The following OXNAD1 variants were observed in gnomAD, a reference collection of about 807,000 sequenced individuals.
OXNAD1 encodes the protein oxidoreductase NAD-binding domain-containing protein 1.
A neutral mutation model predicts 32.9 loss-of-function variants in OXNAD1; 34 were observed. That is an observed-to-expected ratio of 1.03 (90% confidence interval 0.79 to 1.38). The LOEUF (loss-of-function observed/expected upper bound fraction) is 1.38, where lower values mean the gene tolerates loss of function less well. Among genes scored for constraint, OXNAD1 ranks in the 40% most tolerant of loss-of-function variants. The probability of loss-of-function intolerance (pLI) is 0.00; values close to 1 mark genes in which losing one functional copy is unlikely to be tolerated. For missense variants in OXNAD1, 407 were observed against 379.4 expected, an observed-to-expected ratio of 1.07 and a Z score of -0.60; for synonymous variants, 134 against 135.2, an observed-to-expected ratio of 0.99 and a Z score of 0.06.
intron 4 of OXNAD1, among the ~76,000 whole-genome samples, chr3:16,283,873 C>G (rs998183746): frequency 1.4e-5 from 2 of 142,768 alleles, no homozygotes; most frequent in South Asian, 2.2e-4. Flanking sequence ...ATACCAAATT[C>G]AGAGAGGTCA....
At chr3:16,307,143 A>G (rs919837869), downstream of OXNAD1, among the ~76,000 whole-genome samples, 1 of 152,238 alleles carries the variant, frequency 6.6e-6, no homozygotes, top group Non-Finnish European at 1.5e-5. Flanking sequence ...TTAGCATACT[A>G]TGAGTTGGTG....
At position 16,287,684 on chromosome 3, in the gene OXNAD1, G is replaced by C. The variant is rs1205164572; in HGVS notation, c.290+1236G>C. ...GCCAAGACTCAGACCCAGCCTCCTG[G>C]TTAGGAAAAGCCTGTGCATTGGTTA... On this transcript the variant is annotated intron_variant, in intron 5 of 8. Transcript: ENST00000285083. This position sits in a 1 kb window ranked among gnomAD's most constrained non-coding sequence, Gnocchi z 4.8. Among the ~76,000 whole-genome samples the C allele has an allele frequency of 6.6e-6, 1 of 152,192 alleles. No individual in the cohort carries two copies. The highest frequency in any genetic ancestry group is 1.5e-5 in the Non-Finnish European group (1 of 68,036).
intron 4 of OXNAD1, among the ~76,000 whole-genome samples, chr3:16,281,660 GA>G (rs1436152346): frequency 6.6e-6 from 1 of 152,022 alleles, no homozygotes; most frequent in African/African-American, 2.4e-5. Flanking sequence ...CTTCCTCATT[GA>G]ATTTTACATT....
At position 16,287,768 on chromosome 3, in the gene OXNAD1, G is replaced by A. The variant is rs1043233486; in HGVS notation, c.290+1320G>A. On this transcript the variant is annotated intron_variant, in intron 5 of 8. Transcript: ENST00000285083. The surrounding 1 kb of genome is among the most constrained non-coding windows in gnomAD (Gnocchi z 4.8). Reference sequence around the variant, plus strand: ...ATGCACTTGCTAACCTCAGTTACCTGATAAGAAAATGTCCTCATTCCCTAG... The same window carrying A: ...ATGCACTTGCTAACCTCAGTTACCTAATAAGAAAATGTCCTCATTCCCTAG... Among the ~76,000 whole-genome samples, 2 of 152,182 alleles carry A rather than the reference G, an allele frequency of 1.3e-5. No homozygotes were observed. The highest frequency in any genetic ancestry group is 4.8e-5 in the African/African-American group (2 of 41,456).
intron 9 of OXNAD1, chr3:16,315,990 C>T (rs1575203766): frequency 6.6e-6 from 1 of 152,188 alleles, no homozygotes; most frequent in Non-Finnish European, 1.5e-5. Context: ...ACTTTCTGGA[C>T]GATATACACA....
intron 4 of OXNAD1, among the ~76,000 whole-genome samples, chr3:16,283,118 T>C (rs1431103931): frequency 6.6e-6 from 1 of 152,142 alleles, no homozygotes; most frequent in Non-Finnish European, 1.5e-5. Flanking sequence ...GAATATCAAC[T>C]GAAAATGTAA....
chr3:16,300,250 A>T (rs1009642267), intron 6 of OXNAD1, among the ~76,000 whole-genome samples: 48 of 152,238 alleles, frequency 3.2e-4, no homozygotes, highest in African/African-American at 1.1e-3. Context: ...AAGGAGAAAT[A>T]AAAGAAAGTG....
intron 4 of OXNAD1, among the ~76,000 whole-genome samples, chr3:16,283,388 C>T (rs1239272067): frequency 1.3e-5 from 2 of 152,156 alleles, no homozygotes; most frequent in East Asian, 3.8e-4. Context: ...GGATTTGAAT[C>T]CGCAATTCCT....
chr3:16,337,117 C>T lies in OXNAD1; in HGVS notation c.*36C>T, dbSNP rs2070931947. 1 of 152,284 alleles carries T rather than the reference C, an allele frequency of 6.6e-6. No individual in the cohort carries two copies. Among genetic ancestry groups the T allele is most frequent in the African/African-American group, 2.4e-5 (1 of 41,464 alleles). The allele number at this position is 152,284 out of a possible 1,614,324, so 9.4% of individuals were successfully genotyped here. ...TGTTTCTGCTCACTCTCCAGGAACC[C>T]TGCCTACGCCATGAGGACAGGCCCA... On this transcript the variant is annotated 3_prime_UTR_variant, in exon 10 of 10. Coordinates refer to the OXNAD1 transcript ENST00000435829. This position sits in a 1 kb window ranked among gnomAD's most constrained non-coding sequence, Gnocchi z 5.0.
At position 16,322,203 on chromosome 3, in the gene OXNAD1, C is replaced by T. The variant is rs2069142277; in HGVS notation, c.*31-14909C>T. Among the ~76,000 whole-genome samples the T allele has an allele frequency of 6.6e-6, 1 of 152,220 alleles. No individual in the cohort carries two copies. The highest frequency in any genetic ancestry group is 1.5e-5 in the Non-Finnish European group (1 of 68,048). On this transcript the variant is annotated intron_variant, in intron 9 of 9. Coordinates refer to the OXNAD1 transcript ENST00000435829. This position sits in a 1 kb window ranked among gnomAD's most constrained non-coding sequence, Gnocchi z 6.2. ...TGGTTGATGGTGGGCTGGCAGTTCC[C>T]TTCTGGTCCATTGTGCCGTCACCTG...
At chr3:16,313,033 G>A (rs1009716340) in intron 9 of OXNAD1, among the ~76,000 whole-genome samples, 3 of 150,058 alleles carry the variant, frequency 2.0e-5, no homozygotes, top group South Asian at 2.1e-4. Context: ...TTTATTTAAC[G>A]CCCATGTCAA....
At position 16,297,024 on chromosome 3, in the gene OXNAD1, A is replaced by G. The variant is rs2125076332; in HGVS notation, c.432+2027A>G. ...GTCAAAAGTAAAACTTTTTCTACAA[A>G]AGGCATTTAACACAATTTAAAAACA... On this transcript the variant is annotated intron_variant, in intron 6 of 8. Transcript: ENST00000285083. This position sits in a 1 kb window ranked among gnomAD's most constrained non-coding sequence, Gnocchi z 4.3. Among the ~76,000 whole-genome samples, 1 of 152,328 alleles carries G rather than the reference A, an allele frequency of 6.6e-6. No individual in the cohort carries two copies. The highest frequency in any genetic ancestry group is 2.1e-4 in the South Asian group (1 of 4,834).
In OXNAD1 at chr3:16,299,183, C is replaced by G. The variant is rs2067008159; in HGVS notation, c.433-2443C>G. ...CCACTGGAGAAAATTATTTCAGTCT[C>G]TTTCACTCTGATTCTTATAGATAAA... is the stretch of plus-strand genomic sequence containing the variant. On this transcript the variant is annotated intron_variant, in intron 6 of 8. Transcript: ENST00000285083. This position sits in a 1 kb window ranked among gnomAD's most constrained non-coding sequence, Gnocchi z 4.4. 6.6e-6 allele frequency among the ~76,000 whole-genome samples: 1 copy of G among 152,164 alleles called. No individual in the cohort carries two copies. The highest frequency in any genetic ancestry group is 2.1e-4 in the South Asian group (1 of 4,824).
At chr3:16,293,014 A>G (rs914549901) in intron 5 of OXNAD1, among the ~76,000 whole-genome samples, 1 of 152,218 alleles carries the variant, frequency 6.6e-6, no homozygotes, top group African/African-American at 2.4e-5. Context: ...GGGTTCCTCA[A>G]ATTTCCATAT....
At chr3:16,296,506 A>T (rs762562035) in intron 6 of OXNAD1, among the ~76,000 whole-genome samples, 5 of 152,240 alleles carry the variant, frequency 3.3e-5, no homozygotes, top group Non-Finnish European at 7.3e-5. Flanking sequence ...AAAAGGACCT[A>T]GGATAGCTAA....
downstream of OXNAD1, among the ~76,000 whole-genome samples, chr3:16,310,993 A>G (rs1388265249): frequency 1.1e-4 from 15 of 131,978 alleles, no homozygotes; most frequent in African/African-American, 4.1e-4. Context: ...TCAGTCTCCA[A>G]AAAAAAAAAA....
In OXNAD1 at chr3:16,288,823, A is replaced by T. The variant is rs991994597; in HGVS notation, c.290+2375A>T. On this transcript the variant is annotated intron_variant, in intron 5 of 8. Transcript: ENST00000285083. This position sits in a 1 kb window ranked among gnomAD's most constrained non-coding sequence, Gnocchi z 5.1. ...CCTTGGGGTGGAAAGCTTGGCACTCACTCTTGGGTCTGGAGCATGCCACCA... is the reference window on the plus strand; with the variant it reads ...CCTTGGGGTGGAAAGCTTGGCACTCTCTCTTGGGTCTGGAGCATGCCACCA... 3.9e-5 allele frequency among the ~76,000 whole-genome samples: 6 copies of T among 151,914 alleles called. No individual in the cohort carries two copies. The highest frequency in any genetic ancestry group is 8.8e-5 in the Non-Finnish European group (6 of 67,968).
intron 4 of OXNAD1, among the ~76,000 whole-genome samples, chr3:16,282,360 C>T (rs2065804309): frequency 8.9e-6 from 1 of 111,822 alleles, no homozygotes; most frequent in Non-Finnish European, 2.0e-5. Context: ...CCCCTATCCA[C>T]CCAGCTTAAA....
rs139709815 is a variant in OXNAD1 at position 16,279,946 on chromosome 3, C to T, written c.184-6396C>T. The stretch of plus-strand genomic sequence containing the variant: ...GGTGAAAGCTGGATTAAAGGAGAAG[C>T]TTGTTTTGTTTGTTGTATTTTGAAA... On this transcript the variant is annotated intron_variant, in intron 4 of 8. Coordinates refer to ENST00000285083, the MANE Select transcript of OXNAD1 (RefSeq NM_138381.5). 7.2e-3 allele frequency among the ~76,000 whole-genome samples: 1,100 copies of T among 152,186 alleles called. 17 individuals carry two copies. Among genetic ancestry groups the T allele is most frequent in the African/African-American group, 0.025 (1,024 of 41,500 alleles).
Sources: allele counts gnomAD v4.1 joint callset (sites outside exome capture counted in the v4.1 genomes callset), GRCh38; gene constraint gnomAD v4.1.1; non-coding constraint Gnocchi (gnomAD v3.1); transcripts MANE v1.5; gene names NCBI Gene and HGNC (gene_info 2026-07-23, HGNC 2026-07-21).